The following CDH13 variants were observed in gnomAD, a reference collection of about 807,000 sequenced individuals.
CDH13 encodes cadherin 13.
A neutral mutation model predicts 63.8 loss-of-function variants in CDH13; 24 were observed. The observed-to-expected ratio is 0.38, with a 90% CI of 0.27 to 0.53. The LOEUF is 0.53. CDH13 is among the 20% of genes least tolerant of loss of function. CDH13 has a pLI of 0.85. For synonymous variants in CDH13, 503 were observed against 355.3 expected (o/e 1.42, Z -4.67); for missense variants, 1,049 against 903.1 (o/e 1.16, Z -2.07).
In CDH13 at chr16:82,822,321, G is replaced by A. The variant is rs969809094; in HGVS notation, c.46-36041G>A. ...AAAGGGAATGAGGAATAGGGCTATA[G>A]GCTATTTGGGATAATGTTCGGATAT... On this transcript the variant is annotated intron_variant, in intron 1 of 13. Coordinates refer to ENST00000567109, the MANE Select transcript of CDH13 (RefSeq NM_001257.5). Among the ~76,000 whole-genome samples, 8 of 152,322 alleles carry A rather than the reference G, an allele frequency of 5.3e-5. No individual in the cohort carries two copies. The South Asian group carries it at 1.7e-3, about 32-fold the overall frequency.
At chr16:83,622,169 A>G (rs1054052060) in intron 8 of CDH13, among the ~76,000 whole-genome samples, 3 of 152,180 alleles carry the variant, frequency 2.0e-5, no homozygotes, top group African/African-American at 7.2e-5. Context: ...CAACAGCCCT[A>G]TGACGTAGGT....
intron 1 of CDH13, among the ~76,000 whole-genome samples, chr16:82,739,745 T>C (rs1158474568): frequency 6.6e-6 from 1 of 152,184 alleles, no homozygotes; most frequent in African/African-American, 2.4e-5. Context: ...TTTCCAAATA[T>C]TAGCAAGTTA....
chr16:83,562,444 C>G (rs2075725676), intron 7 of CDH13, among the ~76,000 whole-genome samples: 1 of 152,202 alleles, frequency 6.6e-6, no homozygotes, highest in Non-Finnish European at 1.5e-5. Context: ...GATTCAGGAA[C>G]AACACTGGGT....
At chr16:82,868,791 A>G (rs966466460) in intron 2 of CDH13, among the ~76,000 whole-genome samples, 45 of 152,344 alleles carry the variant, frequency 3.0e-4, no homozygotes, top group African/African-American at 8.7e-4. Flanking sequence ...TTTCACCTTT[A>G]GAAATTCCCA....
chr16:83,552,233 T>C (rs1352135115), intron 7 of CDH13, among the ~76,000 whole-genome samples: 1 of 152,212 alleles, frequency 6.6e-6, no homozygotes, highest in Non-Finnish European at 1.5e-5. Context: ...GCGTATTCTC[T>C]TGGTCCTGGG....
In CDH13 at chr16:83,780,194, G is replaced by A. The variant is rs1567591127; in HGVS notation, c.1908G>A (p.Lys636=). 1 of 1,588,980 alleles carries A rather than the reference G, an allele frequency of 6.3e-7. No individual in the cohort carries two copies. The highest frequency in any genetic ancestry group is 1.3e-5 in the African/African-American group (1 of 74,606). ...CTGATAAAGTCTGGAAGATCTCCAA[G>A]ATCAACAGTAAGTCTGGCTAAAGCA... The part of the protein sequence containing the change: ...AVPDKVWKIS[K]INNTHALVSL... The change falls in exon 12 of 14, where the codon AAG becomes AAA. Residue 636 remains lysine (K), a synonymous_variant. Transcript: ENST00000567109.
intron 1 of CDH13, among the ~76,000 whole-genome samples, chr16:82,753,703 C>A (rs989496240): frequency 6.6e-6 from 1 of 152,198 alleles, no homozygotes; most frequent in African/African-American, 2.4e-5. Flanking sequence ...CTGATTCTCC[C>A]TCATCTCAGA....
chr16:83,566,123 T>TGG (rs763468906), intron 7 of CDH13, among the ~76,000 whole-genome samples: 2 of 152,184 alleles, frequency 1.3e-5, no homozygotes, highest in Non-Finnish European at 2.9e-5. Flanking sequence ...AATGGTATGT[T>TGG]GGGCTCTAAA....
intron 13 of CDH13, among the ~76,000 whole-genome samples, chr16:83,790,894 GC>G (rs1337370190): frequency 6.6e-6 from 1 of 152,198 alleles, no homozygotes; most frequent in Non-Finnish European, 1.5e-5. Context: ...ATTGCTTTCT[GC>G]TTAATTAACC....
chr16:83,402,773 A>T (rs16960371), intron 6 of CDH13, among the ~76,000 whole-genome samples: 38,546 of 152,146 alleles, frequency 0.25, 5,575 homozygotes, highest in East Asian at 0.55. Context: ...TTAGTATGCA[A>T]TTTCATTCTT....
chr16:83,686,547 CA>C (rs1236074044), intron 10 of CDH13, among the ~76,000 whole-genome samples: 6 of 152,194 alleles, frequency 3.9e-5, no homozygotes, highest in Non-Finnish European at 7.3e-5. Flanking sequence ...CTAATATTTG[CA>C]AAAGTGTCTT....
At chr16:83,620,992 G>C (rs1909760175) in intron 8 of CDH13, among the ~76,000 whole-genome samples, 1 of 152,124 alleles carries the variant, frequency 6.6e-6, no homozygotes, top group African/African-American at 2.4e-5. Flanking sequence ...GAAAGCACCT[G>C]CTTTGTACGC....
At chr16:82,744,897 C>G (rs142849149) in intron 1 of CDH13, among the ~76,000 whole-genome samples, 1 of 152,074 alleles carries the variant, frequency 6.6e-6, no homozygotes, top group African/African-American at 2.4e-5. Context: ...CACTCTAATC[C>G]CCAGAGCCTG....
intron 3 of CDH13, among the ~76,000 whole-genome samples, chr16:83,063,346 C>A (rs1268337636): frequency 1.3e-5 from 2 of 152,186 alleles, no homozygotes; most frequent in African/African-American, 4.8e-5. Flanking sequence ...AGAAGTTACA[C>A]ACCATCAGTT....
chr16:83,696,582 C>A (rs549422469), intron 10 of CDH13, among the ~76,000 whole-genome samples: 1 of 152,092 alleles, frequency 6.6e-6, no homozygotes, highest in African/African-American at 2.4e-5. Flanking sequence ...GATGCTTCAC[C>A]CTAAAGTTAT....
intron 2 of CDH13, among the ~76,000 whole-genome samples, chr16:82,865,369 A>T (rs576352608): frequency 5.3e-5 from 8 of 152,290 alleles, no homozygotes; most frequent in Non-Finnish European, 1.0e-4. Context: ...CTCTGCAACA[A>T]ACTTTTGCGT....
chr16:82,818,181 C>G (rs920939678), intron 1 of CDH13, among the ~76,000 whole-genome samples: 2 of 151,844 alleles, frequency 1.3e-5, no homozygotes, highest in Non-Finnish European at 2.9e-5. Flanking sequence ...CATGTAGTTT[C>G]CCTTCTTAAG....
chr16:82,948,491 A>C (rs1171384971), intron 2 of CDH13, among the ~76,000 whole-genome samples: 1 of 152,176 alleles, frequency 6.6e-6, no homozygotes, highest in East Asian at 1.9e-4. Flanking sequence ...TTCCTTGAAG[A>C]AGAATTATTT....
intron 3 of CDH13, among the ~76,000 whole-genome samples, chr16:83,098,890 A>G (rs1350864766): frequency 1.3e-5 from 2 of 152,204 alleles, no homozygotes; most frequent in Non-Finnish European, 2.9e-5. Context: ...CTGGGAAAAA[A>G]GGTTAATTGT....
Sources: gnomAD v4.1 joint callset for allele counts (sites outside exome capture counted in the v4.1 genomes callset) on GRCh38, gnomAD v4.1.1 for gene constraint, MANE v1.5 for transcripts, NCBI Gene and HGNC (gene_info 2026-07-23, HGNC 2026-07-21) for gene names.